HYDIN: variants seen among roughly 807,000 people sequenced by gnomAD.
HYDIN encodes axonemal central pair apparatus protein HYDIN.
HYDIN carries 132 observed loss-of-function variants against 403.9 expected under a neutral mutation model. The observed-to-expected ratio is 0.33, with a 90% CI of 0.28 to 0.38. The LOEUF is 0.38. HYDIN is among the 10% of genes least tolerant of loss of function. HYDIN has a pLI of 1.00. For missense variants in HYDIN, 2,827 were observed against 5,009.5 expected (o/e 0.56, Z 13.15); for synonymous variants, 1,202 against 1,891.7 (o/e 0.64, Z 9.46).
In HYDIN at chr16:70,858,009, G is replaced by A. The variant is rs1186914569; in HGVS notation, c.12130-139C>T. The A allele has an allele frequency of 2.4e-6, 3 of 1,258,210 alleles. No homozygotes were observed. The East Asian group carries it at 7.8e-5, about 33-fold the overall frequency. The allele number at this position is 1,258,210 out of a possible 1,614,324, so 77.9% of individuals were successfully genotyped here. A position where few individuals can be genotyped will look rare whatever the true frequency, so the allele number is the denominator to read the frequency against. On this transcript the variant is annotated intron_variant, in intron 71 of 85. Coordinates refer to ENST00000393567, the MANE Select transcript of HYDIN (RefSeq NM_001270974.2). Reference sequence around the variant, plus strand: ...GCTACCTTTCTATAGTCCATGTAAGGGCATGTAGGTGTGGCTGTACCAGAA... The same window carrying A: ...GCTACCTTTCTATAGTCCATGTAAGAGCATGTAGGTGTGGCTGTACCAGAA...
chr16:71,012,675 C>G (rs1567991205), intron 23 of HYDIN, among the ~76,000 whole-genome samples: 2 of 152,106 alleles, frequency 1.3e-5, no homozygotes, highest in Non-Finnish European at 2.9e-5. Context: ...AAAAGAAAAC[C>G]CTCTCTTACA....
chr16:71,098,199 C>CT (rs1293436490), intron 10 of HYDIN, among the ~76,000 whole-genome samples: 3,812 of 132,986 alleles, frequency 0.029, 259 homozygotes, highest in African/African-American at 0.069. Context: ...ATAAAACTTT[C>CT]TTTCTTTTTT....
At chr16:70,819,893 T>C (rs971460097) in intron 83 of HYDIN, among the ~76,000 whole-genome samples, 138 of 150,374 alleles carry the variant, frequency 9.2e-4, no homozygotes, top group Admixed American at 1.5e-3. Flanking sequence ...CTGCAAGCTC[T>C]GCCTCCCGGG....
intron 72 of HYDIN, among the ~76,000 whole-genome samples, chr16:70,856,253 G>A (rs2143600309): frequency 8.9e-6 from 1 of 112,870 alleles, no homozygotes; most frequent in South Asian, 2.9e-4. Flanking sequence ...ATTCTGTTGA[G>A]TCTAGTAGTT....
chr16:70,819,640 T>C (rs1205037161), intron 83 of HYDIN, among the ~76,000 whole-genome samples: 1 of 147,324 alleles, frequency 6.8e-6, no homozygotes, highest in African/African-American at 2.5e-5. Flanking sequence ...CATCTTCTCG[T>C]GTTTTTATTG....
chr16:71,149,783 C>T (rs2085468991), intron 7 of HYDIN, among the ~76,000 whole-genome samples: 2 of 152,104 alleles, frequency 1.3e-5, no homozygotes, highest in African/African-American at 4.8e-5. Context: ...CTGCTGTAGC[C>T]TCTTAAAATG....
At chr16:71,025,736 T>C in intron 20 of HYDIN, among the ~76,000 whole-genome samples, 1 of 137,180 alleles carries the variant, frequency 7.3e-6, no homozygotes, top group African/African-American at 2.7e-5. Flanking sequence ...ATGGATTCTG[T>C]ATTTATTTCT....
chr16:71,059,994 C>G (rs564564443), intron 18 of HYDIN, among the ~76,000 whole-genome samples: 1 of 152,064 alleles, frequency 6.6e-6, no homozygotes, highest in East Asian at 1.9e-4. Flanking sequence ...TCACAAACTA[C>G]CTTAAAATAT....
At chr16:71,021,425 C>A (rs1028885662) in intron 21 of HYDIN, among the ~76,000 whole-genome samples, 7 of 152,014 alleles carry the variant, frequency 4.6e-5, no homozygotes, top group Admixed American at 3.9e-4. Context: ...CTATGTTGGC[C>A]ACGATGGTCT....
intron 1 of HYDIN, among the ~76,000 whole-genome samples, chr16:71,209,123 A>T (rs1210288673): frequency 2.0e-5 from 3 of 151,526 alleles, no homozygotes; most frequent in Non-Finnish European, 4.4e-5. Context: ...TATTCTTGAT[A>T]AGCATAGATG....
At chr16:70,883,737 T>G (rs28439914) in intron 59 of HYDIN, among the ~76,000 whole-genome samples, 183 bp downstream of exon 59, 2 of 152,044 alleles carry the variant, frequency 1.3e-5, no homozygotes, top group South Asian at 2.1e-4. Flanking sequence ...ACCCAGCTAA[T>G]TTTTTGTATT....
At chr16:70,872,708 A>C (rs1290711668) in intron 64 of HYDIN, among the ~76,000 whole-genome samples, 2 of 108,326 alleles carry the variant, frequency 1.8e-5, no homozygotes, top group Non-Finnish European at 3.6e-5. Flanking sequence ...CTACCCACCC[A>C]TCCATCCATC....
At chr16:70,938,922 A>T (rs1327208228) in intron 43 of HYDIN, among the ~76,000 whole-genome samples, 167 bp from the exon 44 acceptor site, 1 of 151,980 alleles carries the variant, frequency 6.6e-6, no homozygotes, top group Non-Finnish European at 1.5e-5. Context: ...GCACTTCCAC[A>T]TTTGGGCTCT....
At position 71,213,690 on chromosome 16, in the gene HYDIN, T is replaced by C. The variant is rs181844437; in HGVS notation, c.-24+16872A>G. ...CATTCAACAAAAATTATATATAGCC[T>C]CAACAGATGCAGAAAAAGAATATGA... On this transcript the variant is annotated intron_variant, in intron 1 of 85. Transcript: ENST00000393567. Among the ~76,000 whole-genome samples the C allele has an allele frequency of 1.9e-3, 282 of 152,226 alleles. 5 individuals are homozygous for C. Among genetic ancestry groups the C allele is most frequent in the African/African-American group, 6.4e-3 (265 of 41,546 alleles).
At chr16:70,936,483 A>T (rs996332646) in intron 44 of HYDIN, among the ~76,000 whole-genome samples, 1 of 120,518 alleles carries the variant, frequency 8.3e-6, no homozygotes, top group African/African-American at 2.5e-5. Context: ...TTCTGGTATT[A>T]GTGCAGATGA....
At chr16:71,183,165 C>T (rs568187068) in intron 3 of HYDIN, among the ~76,000 whole-genome samples, 16 of 151,798 alleles carry the variant, frequency 1.1e-4, no homozygotes, top group African/African-American at 3.4e-4. Context: ...TGGTGAGAAG[C>T]GGGATGATTA....
At chr16:70,945,565 T>C (rs1193179333) in intron 41 of HYDIN, among the ~76,000 whole-genome samples, 1 of 152,106 alleles carries the variant, frequency 6.6e-6, no homozygotes, top group African/African-American at 2.4e-5. Context: ...GCAAAGACAA[T>C]GTAGGAAACA....
rs1308733814 is a variant in HYDIN, at chr16:70,860,924, ATTTGT to A, written c.11778-28_11778-24del. On this transcript the variant is annotated intron_variant, in intron 69 of 85. Transcript: ENST00000393567. ...ATCCTGAGAGGATAAGGTTATTTTT[ATTTGT>A]TTTATTTTGTCATCAGTTGTTGCTT... is the stretch of plus-strand genomic sequence containing the variant. 4.6e-6 allele frequency: 3 copies of A among 656,640 alleles called. No homozygotes were observed. The African/African-American group carries it at 5.6e-5, about 12-fold the overall frequency. The allele number at this position is 656,640 out of a possible 1,614,324, so 40.7% of individuals were successfully genotyped here.
intron 23 of HYDIN, among the ~76,000 whole-genome samples, chr16:70,994,686 G>C (rs2144053932): frequency 6.7e-6 from 1 of 149,052 alleles, no homozygotes; most frequent in Non-Finnish European, 1.5e-5. Context: ...AATTCTAATG[G>C]GCAGCCAGAT....
Sources: allele counts gnomAD v4.1 joint callset (sites outside exome capture counted in the v4.1 genomes callset), GRCh38; gene constraint gnomAD v4.1.1; transcripts MANE v1.5; gene names NCBI Gene and HGNC (gene_info 2026-07-23, HGNC 2026-07-21).